The following IFT43 variants were observed in gnomAD, a reference collection of about 807,000 sequenced individuals.
IFT43 encodes the protein intraflagellar transport protein 43 homolog.
IFT43 carries 33 observed loss-of-function variants against 32.3 expected under a neutral mutation model. That is an observed-to-expected ratio of 1.02 (90% CI 0.77 to 1.37). The LOEUF (loss-of-function observed/expected upper bound fraction) is 1.37. Ranked by LOEUF, IFT43 falls within the 40% of genes most tolerant of loss-of-function variation. The pLI is 0.00. For missense variants in IFT43, 274 were observed against 265.9 expected, an observed-to-expected ratio of 1.03 and a Z score of -0.21; for synonymous variants, 93 against 98.2, an observed-to-expected ratio of 0.95 and a Z score of 0.31.
chr14:76,058,519 A>G, intron 3 of IFT43, 123 bp from the exon 4 acceptor site: 2 of 1,128,922 alleles, frequency 1.8e-6, no homozygotes, highest in Admixed American at 2.0e-5. Context: ...AGAGGACTGC[A>G]GACAAATAAA....
At chr14:76,008,746 A>G (rs2036025136) in intron 2 of IFT43, among the ~76,000 whole-genome samples, 1 of 152,218 alleles carries the variant, frequency 6.6e-6, no homozygotes. Context: ...ATCTTGTAGC[A>G]TGCAGTAAAG....
intron 3 of IFT43, among the ~76,000 whole-genome samples, chr14:76,024,302 C>G (rs1401153581): frequency 6.6e-6 from 1 of 152,200 alleles, no homozygotes; most frequent in African/African-American, 2.4e-5. Flanking sequence ...ACGACATACT[C>G]TCTCGCATTT....
At chr14:76,070,213 T>C (rs1016604275) in intron 5 of IFT43, among the ~76,000 whole-genome samples, 1 of 152,226 alleles carries the variant, frequency 6.6e-6, no homozygotes, top group Admixed American at 6.5e-5. Flanking sequence ...ATGCTATCTG[T>C]AGAGGACTGT....
chr14:76,029,324 T>A (rs1247466813), intron 3 of IFT43, among the ~76,000 whole-genome samples: 1 of 152,240 alleles, frequency 6.6e-6, no homozygotes, highest in Non-Finnish European at 1.5e-5. Context: ...TTTTTTCTTG[T>A]TGATTTGTTT....
At position 76,059,342 on chromosome 14, in the gene IFT43, A is replaced by G. The variant is rs752310613; in HGVS notation, c.264A>G (p.Pro88=). 3 of 1,614,052 alleles carry G rather than the reference A, an allele frequency of 1.9e-6. No homozygotes were observed. The highest frequency in any genetic ancestry group is 2.5e-6 in the Non-Finnish European group (3 of 1,179,930). ...TTGGGGGCAGTTTCCGCCTCAGACCACAGAGCCTGAATGGATCAGATTATG... is the reference window on the plus strand; with the variant it reads ...TTGGGGGCAGTTTCCGCCTCAGACCGCAGAGCCTGAATGGATCAGATTATG... ...SEEIEDFRLR[P]QSLNGSDYGG... is the part of the protein sequence containing the mutation. The change falls in exon 5 of 9, where the codon CCA becomes CCG. Residue 88 remains proline, a synonymous_variant. Coordinates refer to ENST00000314067, the MANE Select transcript of IFT43 (RefSeq NM_001102564.3).
chr14:76,029,973 T>A (rs2036478301), intron 3 of IFT43, among the ~76,000 whole-genome samples: 1 of 151,662 alleles, frequency 6.6e-6, no homozygotes, highest in Non-Finnish European at 1.5e-5. Context: ...CCCAGACTCC[T>A]GGGCTCAAGT....
At chr14:76,004,888 A>G (rs867614012) in intron 2 of IFT43, among the ~76,000 whole-genome samples, 1 of 152,064 alleles carries the variant, frequency 6.6e-6, no homozygotes, top group African/African-American at 2.4e-5. Flanking sequence ...AGAAATTTCC[A>G]TTTATTTTTC....
chr14:75,996,504 C>G (rs565010700), intron 2 of IFT43, among the ~76,000 whole-genome samples: 1 of 152,358 alleles, frequency 6.6e-6, no homozygotes, highest in East Asian at 1.9e-4. Context: ...AATATCAGTT[C>G]TGTCCAAGAT....
At chr14:76,081,804 C>T (rs2037514526) in intron 5 of IFT43, among the ~76,000 whole-genome samples, 1 of 152,186 alleles carries the variant, frequency 6.6e-6, no homozygotes, top group Non-Finnish European at 1.5e-5. Context: ...GATGATTGCA[C>T]TGCGGGGCTA....
At chr14:76,051,219 G>A (rs548373968) in intron 3 of IFT43, among the ~76,000 whole-genome samples, 8 of 147,156 alleles carry the variant, frequency 5.4e-5, no homozygotes, top group African/African-American at 1.5e-4. Flanking sequence ...GGTACCTAGC[G>A]GCATATACTA....
chr14:76,030,107 C>T (rs188169919), intron 3 of IFT43, among the ~76,000 whole-genome samples: 1 of 152,108 alleles, frequency 6.6e-6, no homozygotes, highest in Admixed American at 6.6e-5. Context: ...AGGCTGGTCT[C>T]AAACTCCTGG....
chr14:76,061,683 A>G (rs1243319828), intron 5 of IFT43, among the ~76,000 whole-genome samples: 2 of 152,098 alleles, frequency 1.3e-5, no homozygotes, highest in African/African-American at 4.8e-5. Flanking sequence ...ATCTTCCATT[A>G]ATCTTCTCAT....
chr14:75,993,798 T>C (rs2035688266), intron 2 of IFT43, among the ~76,000 whole-genome samples: 1 of 152,196 alleles, frequency 6.6e-6, no homozygotes, highest in Admixed American at 6.5e-5. Context: ...GGATCAGATA[T>C]GCATTCTAGG....
intron 5 of IFT43, among the ~76,000 whole-genome samples, chr14:76,069,461 T>A (rs1305227513): frequency 6.6e-6 from 1 of 152,146 alleles, no homozygotes; most frequent in African/African-American, 2.4e-5. Context: ...TCTAACCTCT[T>A]CCAGGCCTTC....
At chr14:75,988,304 A>G (rs1213801270) in intron 1 of IFT43, among the ~76,000 whole-genome samples, 6 of 152,010 alleles carry the variant, frequency 3.9e-5, no homozygotes, top group Non-Finnish European at 4.4e-5. Flanking sequence ...ACTTGAGCCT[A>G]GGGGGTGGAG....
intron 5 of IFT43, among the ~76,000 whole-genome samples, chr14:76,071,192 CTT>C (rs1033201923): frequency 5.3e-5 from 8 of 152,148 alleles, no homozygotes; most frequent in Non-Finnish European, 8.8e-5. Flanking sequence ...GCTGCCCTCT[CTT>C]TTGTCTCAGT....
chr14:76,077,445 T>A (rs1217412849), intron 5 of IFT43, among the ~76,000 whole-genome samples: 1 of 152,202 alleles, frequency 6.6e-6, no homozygotes, highest in Non-Finnish European at 1.5e-5. Flanking sequence ...GAGCATCTGT[T>A]GAATGCAGTT....
chr14:75,985,890 G>A (rs1340494006), intron 1 of IFT43, 50 bp downstream of exon 1: 2 of 1,602,732 alleles, frequency 1.2e-6, no homozygotes, highest in South Asian at 2.2e-5. Flanking sequence ...CGGGTGGGGA[G>A]GAGCGACCCC....
chr14:76,066,002 G>A (rs1306040914), intron 5 of IFT43, among the ~76,000 whole-genome samples: 2 of 152,320 alleles, frequency 1.3e-5, no homozygotes, highest in Admixed American at 1.3e-4. Flanking sequence ...TAGCACCAGG[G>A]TCTGAATATG....
Sources: gnomAD v4.1 joint callset for allele counts (sites outside exome capture counted in the v4.1 genomes callset) on GRCh38, gnomAD v4.1.1 for gene constraint, MANE v1.5 for transcripts, NCBI Gene and HGNC (gene_info 2026-07-23, HGNC 2026-07-21) for gene names.